AGMO: variants seen among roughly 807,000 people sequenced by gnomAD.
The protein encoded by AGMO is alkylglycerol monooxygenase.
Under a neutral mutation model 60.2 loss-of-function variants are expected in AGMO, and 75 were observed. The observed-to-expected ratio is 1.25, with a 90% CI of 1.03 to 1.51. The LOEUF is 1.51. AGMO is among the 40% of genes most tolerant of loss of function. AGMO has a pLI of 0.00. For synonymous variants in AGMO, 261 were observed against 177.1 expected (o/e 1.47, Z -3.76); for missense variants, 763 against 525.5 (o/e 1.45, Z -4.42).
chr7:15,260,604 GTCA>G (rs1465131802), intron 12 of AGMO, among the ~76,000 whole-genome samples: 3 of 152,002 alleles, frequency 2.0e-5, no homozygotes, highest in African/African-American at 7.2e-5. Flanking sequence ...CACTAGACAG[GTCA>G]TCAAGACAGA....
At chr7:15,395,981 G>A (rs867791609) in intron 5 of AGMO, 2 of 152,154 alleles carry the variant, frequency 1.3e-5, no homozygotes, top group African/African-American at 2.4e-5. Flanking sequence ...TATCAAAGCG[G>A]ATCCTTCTCT....
At chr7:15,368,411 A>G (rs1017745435) in intron 10 of AGMO, among the ~76,000 whole-genome samples, 1 of 152,128 alleles carries the variant, frequency 6.6e-6, no homozygotes, top group South Asian at 2.1e-4. Context: ...AAATTTACAT[A>G]TAAGGGAGAA....
At chr7:15,356,860 C>G (rs184852973) in intron 12 of AGMO, among the ~76,000 whole-genome samples, 8 of 150,770 alleles carry the variant, frequency 5.3e-5, no homozygotes, top group African/African-American at 1.5e-4. Context: ...GTAATCCCAG[C>G]ACTTTGGGAG....
At chr7:15,481,232 T>A (rs186819649) in intron 3 of AGMO, among the ~76,000 whole-genome samples, 10 of 152,214 alleles carry the variant, frequency 6.6e-5, no homozygotes, top group Admixed American at 2.0e-4. Flanking sequence ...AATGTTTTAT[T>A]GCCAGGATCC....
At chr7:15,445,807 C>A (rs1349305903) in intron 3 of AGMO, among the ~76,000 whole-genome samples, 1 of 152,032 alleles carries the variant, frequency 6.6e-6, no homozygotes, top group African/African-American at 2.4e-5. Context: ...TAATCCTCAC[C>A]TGTTCTTAAA....
intron 10 of AGMO, 36 bp from the exon 11 acceptor site, chr7:15,366,258 G>A (rs1461783915): frequency 6.6e-7 from 1 of 1,514,400 alleles, no homozygotes; most frequent in Non-Finnish European, 9.1e-7. Context: ...GGAGCCGTTA[G>A]AAGAATTGTT....
Position 15,202,458 on chromosome 7 carries a change from C to CAAAAAAAAAAAAAAAAAAAAAA in AGMO, c.1264-1121_1264-1100dup, listed in dbSNP as rs71004370. On this transcript the variant is annotated intron_variant, in intron 12 of 12. Coordinates refer to ENST00000342526, the MANE Select transcript of AGMO (RefSeq NM_001004320.2). ...CACCAACAACCAAAATACAAATGAG[C>CAAAAAAAAAAAAAAAAAAAAAA]AAAAAAAAAAAAAAAAAAAAAAAAA... Among the ~76,000 whole-genome samples, 38 of 45,366 alleles carry CAAAAAAAAAAAAAAAAAAAAAA rather than the reference C, an allele frequency of 8.4e-4. 1 individual carries two copies. Among genetic ancestry groups the CAAAAAAAAAAAAAAAAAAAAAA allele is most frequent in the East Asian group, 2.2e-3 (2 of 914 alleles). The allele number at this position is 45,366 out of a possible 152,430, so 29.8% of individuals were successfully genotyped here.
At chr7:15,389,763 G>C (rs1562480335) in intron 8 of AGMO, among the ~76,000 whole-genome samples, 1 of 152,170 alleles carries the variant, frequency 6.6e-6, no homozygotes, top group Non-Finnish European at 1.5e-5. Context: ...TCCTCCATCA[G>C]AAAATGGGAA....
chr7:15,266,955 C>T (rs1257611238), intron 12 of AGMO, among the ~76,000 whole-genome samples: 1 of 151,970 alleles, frequency 6.6e-6, no homozygotes, highest in Non-Finnish European at 1.5e-5. Context: ...CTCTCTAAAA[C>T]AGTGACATAA....
chr7:15,538,504 G>A (rs1417666163), intron 3 of AGMO, among the ~76,000 whole-genome samples: 4 of 152,088 alleles, frequency 2.6e-5, no homozygotes, highest in East Asian at 1.9e-4. Context: ...TAGGCGCTGA[G>A]AGTGCTGAGA....
At chr7:15,539,770 C>CT (rs1294973520) in intron 3 of AGMO, among the ~76,000 whole-genome samples, 1 of 152,076 alleles carries the variant, frequency 6.6e-6, no homozygotes, top group African/African-American at 2.4e-5. Flanking sequence ...ATAAGCATTC[C>CT]TTTTTTTTCT....
intron 12 of AGMO, among the ~76,000 whole-genome samples, chr7:15,348,958 G>C (rs1045007692): frequency 6.6e-6 from 1 of 152,084 alleles, no homozygotes; most frequent in East Asian, 1.9e-4. Flanking sequence ...GCTGCCTAAT[G>C]CATTTTGATT....
At chr7:15,124,470 A>G in the AGMO span, among the ~76,000 whole-genome samples, 3 of 152,112 alleles carry the variant, frequency 2.0e-5, no homozygotes, top group Non-Finnish European at 2.9e-5. Flanking sequence ...GCCCATAAAG[A>G]AATTGGGGCA....
intron 12 of AGMO, among the ~76,000 whole-genome samples, chr7:15,314,879 G>A (rs1298634077): frequency 6.6e-6 from 1 of 152,098 alleles, no homozygotes; most frequent in East Asian, 1.9e-4. Context: ...AGAAAAAAAA[G>A]ATGTGACATA....
intron 3 of AGMO, among the ~76,000 whole-genome samples, chr7:15,432,240 T>C (rs1017590200): frequency 2.6e-5 from 4 of 151,088 alleles, no homozygotes; most frequent in African/African-American, 4.8e-5. Context: ...AGTTGCCATA[T>C]ACTGACTGTT....
At chr7:15,326,505 G>A (rs2128542318) in intron 12 of AGMO, among the ~76,000 whole-genome samples, 1 of 152,208 alleles carries the variant, frequency 6.6e-6, no homozygotes, top group South Asian at 2.1e-4. Flanking sequence ...CCTATTTTGG[G>A]AAGGCCTCTC....
chr7:15,376,791 T>G (rs958666404), intron 10 of AGMO, among the ~76,000 whole-genome samples: 1 of 152,058 alleles, frequency 6.6e-6, no homozygotes, highest in African/African-American at 2.4e-5. Flanking sequence ...GAGGAATTGA[T>G]TTTTCAAGGA....
intron 12 of AGMO, among the ~76,000 whole-genome samples, chr7:15,351,870 G>A (rs976130892): frequency 1.3e-5 from 2 of 151,714 alleles, no homozygotes; most frequent in African/African-American, 4.8e-5. Context: ...AAAATACAAA[G>A]ATGAATAGCA....
intron 5 of AGMO, among the ~76,000 whole-genome samples, chr7:15,404,421 G>A (rs1179348177): frequency 6.6e-6 from 1 of 151,784 alleles, no homozygotes; most frequent in Non-Finnish European, 1.5e-5. Context: ...ACAAGTAACT[G>A]TTAAGCATGT....
Sources: gnomAD v4.1 joint callset for allele counts (sites outside exome capture counted in the v4.1 genomes callset) on GRCh38, gnomAD v4.1.1 for gene constraint, MANE v1.5 for transcripts, NCBI Gene and HGNC (gene_info 2026-07-23, HGNC 2026-07-21) for gene names.